Variants in KRT82 observed in about 807,000 individuals in gnomAD.
The protein encoded by KRT82 is keratin 82.
A neutral mutation model predicts 48.0 loss-of-function variants in KRT82; 44 were observed. That is an observed-to-expected ratio of 0.92 (90% CI 0.72 to 1.18). KRT82 has a LOEUF of 1.18. KRT82 is among the 50% of genes most tolerant of loss of function. The pLI is 0.00. For missense variants in KRT82, 701 were observed against 671.4 expected, an observed-to-expected ratio of 1.04 and a Z score of -0.49; for synonymous variants, 297 against 278.3, an observed-to-expected ratio of 1.07 and a Z score of -0.67.
In KRT82 at chr12:52,406,060, C is replaced by T; in HGVS notation, c.218G>A (p.Gly73Asp). 1.9e-6 allele frequency: 3 copies of T among 1,614,028 alleles called. No individual in the cohort carries two copies. Among genetic ancestry groups the T allele is most frequent in the African/African-American group, 1.3e-5 (1 of 75,062 alleles). The part of the protein sequence containing the change: ...GRPRVASRCG[G>D]TLPGFGYRLG... ...TCGGTACCCGAAGCCAGGCAGGGTA[C>T]CTCCACACCTGGAGGCTACCCGGGG... Residue 73 changes from glycine to aspartate, a missense_variant, in exon 1 of 9, where the codon GGT (glycine) becomes GAT (aspartate). Gly to Asp is a moderately conservative substitution (Grantham distance 94). Transcript: ENST00000257974.
At position 52,400,068 on chromosome 12, in the gene KRT82, C is replaced by T. The variant is rs61730589; in HGVS notation, c.859G>A (p.Gly287Ser). 1,023 of 1,614,202 alleles carry T rather than the reference C, an allele frequency of 6.3e-4. 8 individuals carry two copies. The African/African-American group carries it at 0.012, about 19-fold the overall frequency. Residue 287 changes from glycine to serine, a missense_variant, in exon 5 of 9, where the codon GGC becomes AGC. Physicochemically the swap from Gly to Ser is moderately conservative, Grantham distance 56. Transcript: ENST00000257974. ...TGCGCCTTGATCTCAGCGATGATGC[C>T]GTCCACGTCCAGCTCCCGGCTGTTG... is the stretch of plus-strand genomic sequence containing the variant. ...MDNSRELDVD[G>S]IIAEIKAQYD...
chr12:52,404,557 G>A (rs929663654), intron 1 of KRT82, among the ~76,000 whole-genome samples: 1 of 152,150 alleles, frequency 6.6e-6, no homozygotes, highest in African/African-American at 2.4e-5. Flanking sequence ...ATGGCCACCC[G>A]GCTGGACATT....
In KRT82 at chr12:52,400,085, C is replaced by T. The variant is rs748105910; in HGVS notation, c.842G>A (p.Arg281Gln). 9.9e-6 allele frequency: 16 copies of T among 1,614,054 alleles called. No individual in the cohort carries two copies. Among genetic ancestry groups the T allele is most frequent in the Middle Eastern group, 1.6e-4 (1 of 6,084 alleles). ...TSVIVKMDNS[R>Q]ELDVDGIIAE... is the part of the protein sequence containing the mutation. ...GATGATGCCGTCCACGTCCAGCTCC[C>T]GGCTGTTGTCCATCTTCACAATGAC... is the stretch of plus-strand genomic sequence containing the variant. The change falls in exon 5 of 9, where the codon CGG (arginine) becomes CAG (glutamine). Residue 281 changes from arginine to glutamine, a missense_variant. By Grantham distance (43) the Arg-to-Gln change is conservative. Transcript: ENST00000257974.
intron 1 of KRT82, 126 bp from the exon 2 acceptor site, chr12:52,404,035 A>G: frequency 1.2e-6 from 1 of 820,084 alleles, no homozygotes; most frequent in South Asian, 1.7e-5. Context: ...GAATTTGCAA[A>G]AATCAGGGTC....
At position 52,395,156 on chromosome 12, in the gene KRT82, C is replaced by T. The variant is rs375426458; in HGVS notation, c.1361G>A (p.Cys454Tyr). Residue 454 changes from cysteine (C) to tyrosine (Y), a missense_variant, in exon 9 of 9, where the codon TGT becomes TAT. Transcript: ENST00000257974. ...SSKGAFLYEP[C>Y]GVSTPVLSTG... ...GCTGAGGACAGGCGTGCTGACCCCA[C>T]ATGGCTCGTACAGGAAGGCGCCTTT... The T allele has an allele frequency of 1.6e-5, 26 of 1,613,932 alleles. 1 individual carries two copies. In the South Asian group the frequency reaches 2.2e-4, roughly 14 times the overall value.
chr12:52,394,809 G>T lies in KRT82; in HGVS notation c.*166C>A. The T allele has an allele frequency of 1.6e-6, 1 of 634,374 alleles. No homozygotes were observed. The highest frequency in any genetic ancestry group is 2.8e-6 in the Non-Finnish European group (1 of 358,348). 39.3% of individuals were successfully genotyped at this position (634,374 alleles called of 1,614,324 possible). The stretch of plus-strand genomic sequence containing the variant: ...GGAAGGTGACTCATGAGGCAAAGGA[G>T]GGGTCCTAGGGGCAGCTCAGCTCTC... On this transcript the variant is annotated 3_prime_UTR_variant, in exon 9 of 9. Coordinates refer to ENST00000257974, the MANE Select transcript of KRT82 (RefSeq NM_033033.4).
chr12:52,403,805 A>G lies in KRT82; in HGVS notation c.516T>C (p.Tyr172=). Reference sequence around the variant, plus strand: ...CCAGCTGCCGCCGAAGGGCGCTGATATAGCCCTCGAAGATGGGCTCGATGT... The same window carrying G: ...CCAGCTGCCGCCGAAGGGCGCTGATGTAGCCCTCGAAGATGGGCTCGATGT... ...QTNIEPIFEG[Y]ISALRRQLDC... is the part of the protein sequence containing the mutation. Residue 172 remains tyrosine (Y), a synonymous_variant, in exon 2 of 9, where the codon TAT becomes TAC. Transcript: ENST00000257974. 1.2e-6 allele frequency: 2 copies of G among 1,613,818 alleles called. No individual in the cohort carries two copies. The highest frequency in any genetic ancestry group is 1.7e-6 in the Non-Finnish European group (2 of 1,179,980).
In KRT82 at chr12:52,397,611, T is replaced by G. The variant is rs1297712653; in HGVS notation, c.943-603A>C. ...TAAAAAATTAGCTGACTTTAGATTT[T>G]CTGATAGTGAGTGGGAGCATATTAT... On this transcript the variant is annotated intron_variant, in intron 5 of 8. Transcript: ENST00000257974. Among the ~76,000 whole-genome samples, 3 of 152,268 alleles carry G rather than the reference T, an allele frequency of 2.0e-5. No homozygotes were observed. The East Asian group carries it at 5.8e-4, about 29-fold the overall frequency.
At position 52,395,970 on chromosome 12, in the gene KRT82, T is replaced by A. The variant is rs374841674; in HGVS notation, c.1289+42A>T. ...CCACCAGAGGGCTGGGTAATGGCCA[T>A]ACCTGGTAGCCCATCTTTGACCCCC... On this transcript the variant is annotated intron_variant, in intron 7 of 8. Transcript: ENST00000257974. 1.6e-3 allele frequency: 2,537 copies of A among 1,612,370 alleles called. 8 individuals are homozygous for A. Among genetic ancestry groups the A allele is most frequent in the Middle Eastern group, 1.9e-3 (11 of 5,738 alleles).
intron 2 of KRT82, among the ~76,000 whole-genome samples, chr12:52,401,636 G>C (rs111617946): frequency 2.6e-5 from 4 of 152,200 alleles, no homozygotes; most frequent in African/African-American, 9.7e-5. Context: ...TTGCTGCTGA[G>C]GAGGTTCACT....
At chr12:52,400,408 C>A in intron 4 of KRT82, 119 bp downstream of exon 4, 1 of 802,864 alleles carries the variant, frequency 1.2e-6, no homozygotes, top group Non-Finnish European at 2.1e-6. Flanking sequence ...AACGTCTCTA[C>A]AGTGCGGACC....
At chr12:52,402,632 G>A (rs1429182077) in intron 2 of KRT82, among the ~76,000 whole-genome samples, 5 of 152,216 alleles carry the variant, frequency 3.3e-5, no homozygotes, top group Admixed American at 6.5e-5. Flanking sequence ...CCTTTCTTGG[G>A]ATTCCTCTCC....
rs571268565 is a variant in KRT82 at position 52,394,039 on chromosome 12, T to G, written c.*936A>C. On this transcript the variant is annotated 3_prime_UTR_variant, in exon 9 of 9. Transcript: ENST00000257974. ...GTGGGACAGGCTTGGCATGAGGGGC[T>G]TCTGGGAGGTAGTCAGCCCACACCT... The G allele has an allele frequency of 6.6e-6, 1 of 152,312 alleles. No homozygotes were observed. Among genetic ancestry groups the G allele is most frequent in the South Asian group, 2.1e-4 (1 of 4,822 alleles). The allele number at this position is 152,312 out of a possible 1,614,324, so 9.4% of individuals were successfully genotyped here. A position where few individuals can be genotyped will look rare whatever the true frequency, so the allele number is the denominator to read the frequency against.
At chr12:52,395,513 G>T (rs1161681766) in intron 8 of KRT82, among the ~76,000 whole-genome samples, 1 of 152,124 alleles carries the variant, frequency 6.6e-6, no homozygotes, top group South Asian at 2.1e-4. Context: ...CTCTTGTCAG[G>T]GTGGTTATTT....
Position 52,400,622 on chromosome 12 carries a change from C to G in KRT82, c.682G>C (p.Asp228His). The change falls in exon 4 of 9, where the codon GAC (aspartate) becomes CAC (histidine). Residue 228 changes from aspartate (D) to histidine (H), a missense_variant and splice_region_variant. Coordinates refer to ENST00000257974, the MANE Select transcript of KRT82 (RefSeq NM_033033.4). ...TTCATCAGGAAGGCTGTGTCCACGTCCTGCAGCAGAGCAGGGACAGAATGT... is the reference window on the plus strand; with the variant it reads ...TTCATCAGGAAGGCTGTGTCCACGTGCTGCAGCAGAGCAGGGACAGAATGT... ...VENEFVALKK[D>H]VDTAFLMKAD... is the part of the protein sequence containing the mutation. The G allele has an allele frequency of 6.2e-7, 1 of 1,612,370 alleles. No individual in the cohort carries two copies. The highest frequency in any genetic ancestry group is 2.2e-5 in the East Asian group (1 of 44,862).
chr12:52,405,423 AT>A (rs2121486548), intron 1 of KRT82, among the ~76,000 whole-genome samples: 1 of 152,254 alleles, frequency 6.6e-6, no homozygotes, highest in Admixed American at 6.5e-5. Context: ...GCCTAAAATG[AT>A]TGGAAACTCT....
chr12:52,405,800 C>G, intron 1 of KRT82, 67 bp downstream of exon 1: 1 of 1,496,056 alleles, frequency 6.7e-7, no homozygotes, highest in Non-Finnish European at 9.0e-7. Flanking sequence ...TTCCCTTGGA[C>G]CAGAACAAGA....
chr12:52,405,651 A>G (rs929929741), intron 1 of KRT82, among the ~76,000 whole-genome samples: 6 of 152,242 alleles, frequency 3.9e-5, no homozygotes, highest in African/African-American at 1.4e-4. Flanking sequence ...GAGAAAGATG[A>G]TATATTTTAA....
chr12:52,404,059 G>A (rs1939822870), intron 1 of KRT82, 150 bp from the exon 2 acceptor site: 1 of 651,486 alleles, frequency 1.5e-6, no homozygotes, highest in Non-Finnish European at 2.6e-6. Flanking sequence ...GCATAGACTG[G>A]CATCTGAGGG....
Sources: gnomAD v4.1 joint callset for allele counts (sites outside exome capture counted in the v4.1 genomes callset) on GRCh38, gnomAD v4.1.1 for gene constraint, MANE v1.5 for transcripts, NCBI Gene and HGNC (gene_info 2026-07-23, HGNC 2026-07-21) for gene names.